Variants in FAT1 observed in about 807,000 individuals in gnomAD.
The protein encoded by FAT1 is protocadherin Fat 1.
FAT1 carries 171 observed loss-of-function variants against 329.8 expected under a neutral mutation model. The observed-to-expected ratio is 0.52, with a 90% CI of 0.46 to 0.59. The LOEUF is 0.59. Among genes scored for constraint, FAT1 ranks in the 20% least tolerant of loss-of-function variants. FAT1 has a pLI of 0.00. For synonymous variants in FAT1, 2,233 were observed against 2,228.6 expected, an observed-to-expected ratio of 1.00 and a Z score of -0.06; for missense variants, 5,672 against 5,774.4, an observed-to-expected ratio of 0.98 and a Z score of 0.57.
intron 2 of FAT1, among the ~76,000 whole-genome samples, chr4:186,697,795 G>C (rs910762288): frequency 6.6e-6 from 1 of 152,088 alleles, no homozygotes; most frequent in African/African-American, 2.4e-5. Flanking sequence ...TTACCCGCTG[G>C]TCCTCCTTTA....
intron 2 of FAT1, among the ~76,000 whole-genome samples, chr4:186,702,328 G>A (rs528267013): frequency 6.6e-6 from 1 of 152,286 alleles, no homozygotes; most frequent in Non-Finnish European, 1.5e-5. Context: ...GATGCTAAAA[G>A]TAACACAGCA....
Position 186,622,252 on chromosome 4 carries a change from T to C in FAT1, c.4811-477A>G, listed in dbSNP as rs369118270. Reference sequence around the variant, plus strand: ...ATTGACATCAAGCTTCAAGAGACAATTGTCCATGGATAAATGTGTGTAACC... The same window carrying C: ...ATTGACATCAAGCTTCAAGAGACAACTGTCCATGGATAAATGTGTGTAACC... On this transcript the variant is annotated intron_variant, in intron 9 of 26. Transcript: ENST00000441802. Among the ~76,000 whole-genome samples the C allele has an allele frequency of 7.9e-5, 12 of 152,354 alleles. 1 individual carries two copies. The highest frequency in any genetic ancestry group is 2.4e-4 in the African/African-American group (10 of 41,580).
At position 186,709,426 on chromosome 4, in the gene FAT1, C is replaced by G. The variant is rs989914174; in HGVS notation, c.402G>C (p.Lys134Asn). 2 of 1,613,874 alleles carry G rather than the reference C, an allele frequency of 1.2e-6. No homozygotes were observed. The highest frequency in any genetic ancestry group is 1.7e-6 in the Non-Finnish European group (2 of 1,179,862). ...TTGTATCCAGCACCTGCACCCTGAC[C>G]TTTGTTCGCGCCTCCACATTAGTAT... ...EKNTNVEARTKVRVQVLDTND... is the reference protein window; with the variant it reads ...EKNTNVEARTNVRVQVLDTND... The change falls in exon 2 of 27, where the codon AAG (lysine) becomes AAC (asparagine). Residue 134 changes from lysine to asparagine, a missense_variant. This residue lies in a region of FAT1 where 3,966 missense variants were observed against 3,915.2 expected (regional missense o/e 1.01). Coordinates refer to ENST00000441802, the MANE Select transcript of FAT1 (RefSeq NM_005245.4).
In FAT1 at chr4:186,588,441, G is replaced by A; in HGVS notation, c.*151C>T. 2 of 877,992 alleles carry A rather than the reference G, an allele frequency of 2.3e-6. No individual in the cohort carries two copies. The highest frequency in any genetic ancestry group is 3.4e-5 in the African/African-American group (2 of 59,046). The allele number at this position is 877,992 out of a possible 1,614,324, so 54.4% of individuals were successfully genotyped here. On this transcript the variant is annotated 3_prime_UTR_variant, in exon 27 of 27. Coordinates refer to ENST00000441802, the MANE Select transcript of FAT1 (RefSeq NM_005245.4). The stretch of plus-strand genomic sequence containing the variant: ...TGACAGTAGTTGGGACACTGGAAAT[G>A]GCTAGCACGTCCAGAGGCGCAGGAT...
Position 186,599,965 on chromosome 4 carries a change from C to G in FAT1, c.12036G>C (p.Thr4012=). Residue 4012 remains threonine (T), a synonymous_variant, in exon 22 of 27, where the codon ACG becomes ACC. Transcript: ENST00000441802. The part of the protein sequence containing the change: ...SVDVSPGCFL[T]ATEDCASNPC... ...GGTTGCTGGCGCAGTCTTCCGTGGC[C>G]GTCAGGAAGCAGCCTGGAGATACAT... 6.2e-7 allele frequency: 1 copy of G among 1,613,952 alleles called. No homozygotes were observed. The highest frequency in any genetic ancestry group is 8.5e-7 in the Non-Finnish European group (1 of 1,179,874).
At chr4:186,637,000 G>A in intron 4 of FAT1, 86 bp from the exon 5 acceptor site, 1 of 1,227,326 alleles carries the variant, frequency 8.1e-7, no homozygotes, top group Non-Finnish European at 1.1e-6. Context: ...CTCCGCATGT[G>A]TGTAAAGCTC....
At chr4:186,633,433 CGTTGG>C (rs1302663050) in intron 7 of FAT1, among the ~76,000 whole-genome samples, 1 of 152,078 alleles carries the variant, frequency 6.6e-6, no homozygotes, top group Non-Finnish European at 1.5e-5. Context: ...GATGGTATAA[CGTTGG>C]TTTGGTTTGG....
Position 186,621,196 on chromosome 4 carries a change from G to A in FAT1, c.5390C>T (p.Ala1797Val), listed in dbSNP as rs2126523047. The change falls in exon 10 of 27, where the codon GCT (alanine) becomes GTT (valine). Residue 1797 changes from alanine (A) to valine (V), a missense_variant. Coordinates refer to ENST00000441802, the MANE Select transcript of FAT1 (RefSeq NM_005245.4). ...DRNVPLVIRAADADKDSNALL... is the reference protein window; with the variant it reads ...DRNVPLVIRAVDADKDSNALL... ...AGCATTTGAGTCTTTATCAGCATCA[G>A]CTGCTCGAATCACCAGTGGGACATT... is the stretch of plus-strand genomic sequence containing the variant. The A allele has an allele frequency of 1.2e-6, 2 of 1,614,014 alleles. No homozygotes were observed. Among genetic ancestry groups the A allele is most frequent in the Non-Finnish European group, 1.7e-6 (2 of 1,179,888 alleles).
At chr4:186,645,578 T>C (rs902326397) in intron 3 of FAT1, among the ~76,000 whole-genome samples, 4 of 151,258 alleles carry the variant, frequency 2.6e-5, no homozygotes, top group Non-Finnish European at 5.9e-5. Flanking sequence ...GGGGGTTCAA[T>C]AAATCTAGTA....
Position 186,690,981 on chromosome 4 carries a change from G to C in FAT1, c.3265+15582C>G, listed in dbSNP as rs149953141. Among the ~76,000 whole-genome samples, 1,467 of 152,030 alleles carry C rather than the reference G, an allele frequency of 9.6e-3. 22 individuals are homozygous for C. The highest frequency in any genetic ancestry group is 0.034 in the African/African-American group (1,402 of 41,452). ...ATCTGTTATATTCTTTTTTATTGTG[G>C]CTACTAAAATATATAAAATTACAAA... On this transcript the variant is annotated intron_variant, in intron 2 of 26. Transcript: ENST00000441802.
chr4:186,604,917 AG>A (rs1268282553), intron 17 of FAT1, among the ~76,000 whole-genome samples: 3 of 151,448 alleles, frequency 2.0e-5, no homozygotes, highest in African/African-American at 7.3e-5. Context: ...AGAGGACTGG[AG>A]GAGAAAAGGA....
intron 2 of FAT1, among the ~76,000 whole-genome samples, chr4:186,670,543 C>T (rs1340144951): frequency 6.6e-6 from 1 of 152,160 alleles, no homozygotes; most frequent in East Asian, 1.9e-4. Flanking sequence ...TCTGTTGCTG[C>T]AATTAATCTA....
chr4:186,629,053 T>G (rs1320145828), intron 7 of FAT1, among the ~76,000 whole-genome samples: 1 of 152,218 alleles, frequency 6.6e-6, no homozygotes, highest in African/African-American at 2.4e-5. Flanking sequence ...TGGGCTTAAC[T>G]TCTCTTACGC....
chr4:186,620,327 A>C lies in FAT1; in HGVS notation c.6259T>G (p.Tyr2087Asp), dbSNP rs1401662334. ...TCAGTGTCCACTTTAACAACGGCGT[A>C]GTAGGGAAGGTTGACAAACACCGGC... Reference protein sequence around the residue: ...NAPVFVNLPYYAVVKVDTEVG... With the variant: ...NAPVFVNLPYDAVVKVDTEVG... Residue 2087 changes from tyrosine (Y) to aspartate (D), a missense_variant, in exon 10 of 27, where the codon TAC becomes GAC. Physicochemically the swap from Tyr to Asp is radical, Grantham distance 160. Transcript: ENST00000441802. 1 of 1,613,916 alleles carries C rather than the reference A, an allele frequency of 6.2e-7. No individual in the cohort carries two copies.
At chr4:186,623,074 C>T (rs555959447) in intron 9 of FAT1, among the ~76,000 whole-genome samples, 25 of 152,330 alleles carry the variant, frequency 1.6e-4, no homozygotes, top group South Asian at 4.1e-4. Flanking sequence ...CAAAAATCCA[C>T]GGCCATTTTT....
In FAT1 at chr4:186,621,029, C is replaced by T; in HGVS notation, c.5557G>A (p.Gly1853Arg). 1 of 1,612,678 alleles carries T rather than the reference C, an allele frequency of 6.2e-7. No individual in the cohort carries two copies. Among genetic ancestry groups the T allele is most frequent in the African/African-American group, 1.3e-5 (1 of 75,040 alleles). Residue 1853 changes from glycine to arginine, a missense_variant, in exon 10 of 27, where the codon GGA becomes AGA. By Grantham distance (125) the Gly-to-Arg change is moderately radical (BLOSUM62 -2). Coordinates refer to ENST00000441802, the MANE Select transcript of FAT1 (RefSeq NM_005245.4). ...FHFTVQVHDM[G>R]TPRLFAEYAA... ...TACTCAGCAAATAAACGTGGGGTTC[C>T]CATGTCATGCACTTGGACGGTAAAG...
At chr4:186,666,007 T>A (rs1426824712) in intron 2 of FAT1, among the ~76,000 whole-genome samples, 8 of 110,438 alleles carry the variant, frequency 7.2e-5, no homozygotes, top group African/African-American at 1.4e-4. Context: ...GGACACAGGG[T>A]GGGGAACATC....
At chr4:186,714,911 C>T (rs982064426) in intron 1 of FAT1, among the ~76,000 whole-genome samples, 1 of 152,056 alleles carries the variant, frequency 6.6e-6, no homozygotes, top group African/African-American at 2.4e-5. Flanking sequence ...AACCCTGTCT[C>T]TACTAAAAAT....
At chr4:186,634,153 A>G (rs1740717659) in intron 6 of FAT1, among the ~76,000 whole-genome samples, 1 of 152,208 alleles carries the variant, frequency 6.6e-6, no homozygotes, top group Non-Finnish European at 1.5e-5. Flanking sequence ...ATCTCAGTAG[A>G]TACCATCACT....
Sources: gnomAD v4.1 joint callset for allele counts (sites outside exome capture counted in the v4.1 genomes callset) on GRCh38, gnomAD v4.1.1 for gene constraint, gnomAD v4.1.1 regional missense constraint, MANE v1.5 for transcripts, NCBI Gene and HGNC (gene_info 2026-07-23, HGNC 2026-07-21) for gene names.